The following RIMS1 variants were observed in gnomAD, a reference collection of about 807,000 sequenced individuals.
The protein encoded by RIMS1 is regulating synaptic membrane exocytosis protein 1.
In RIMS1, 83 loss-of-function variants were observed where a neutral mutation model predicts 214.1. The ratio of observed to expected loss-of-function variants is 0.39; its 90% CI spans 0.32 to 0.47. The LOEUF is 0.47. RIMS1 is among the 20% of genes least tolerant of loss of function. The pLI, the probability that RIMS1 is intolerant of heterozygous loss-of-function variation, is 0.99. For missense variants in RIMS1, 2,050 were observed against 2,161.8 expected (o/e 0.95, Z 1.03); for synonymous variants, 793 against 786.8 (o/e 1.01, Z -0.13).
At chr6:72,305,513 T>A (rs150730330) in intron 26 of RIMS1, among the ~76,000 whole-genome samples, 66 of 152,238 alleles carry the variant, frequency 4.3e-4, no homozygotes, top group African/African-American at 1.5e-3. Flanking sequence ...AGCAAATGAT[T>A]GAGCGTGTAC....
At chr6:72,232,685 G>A (rs1220009194) in intron 6 of RIMS1, among the ~76,000 whole-genome samples, 3 of 151,814 alleles carry the variant, frequency 2.0e-5, no homozygotes, top group Non-Finnish European at 1.5e-5. Context: ...TATAAATAAC[G>A]TTTAAGGAAA....
chr6:72,291,646 C>T (rs1052733324), intron 25 of RIMS1, among the ~76,000 whole-genome samples: 1 of 152,068 alleles, frequency 6.6e-6, no homozygotes, highest in African/African-American at 2.4e-5. Context: ...GAATAACTTG[C>T]CCAGGTAGAA....
intron 1 of RIMS1, among the ~76,000 whole-genome samples, chr6:71,963,584 C>T (rs1561981131): frequency 6.6e-6 from 1 of 152,054 alleles, no homozygotes; most frequent in Non-Finnish European, 1.5e-5. Flanking sequence ...TAGTATTTCA[C>T]TGGTTCAAAG....
intron 2 of RIMS1, among the ~76,000 whole-genome samples, chr6:72,070,000 A>G (rs1010650694): frequency 3.3e-5 from 5 of 152,232 alleles, no homozygotes; most frequent in African/African-American, 1.2e-4. Context: ...TAGTTTCAGC[A>G]TACATTTTAA....
At chr6:72,266,714 A>G (rs1237777183) in intron 22 of RIMS1, among the ~76,000 whole-genome samples, 2 of 152,236 alleles carry the variant, frequency 1.3e-5, no homozygotes, top group African/African-American at 2.4e-5. Context: ...GTGTTACACT[A>G]TCTCCTAGCT....
At chr6:72,241,161 C>T (rs1045107149) in intron 9 of RIMS1, among the ~76,000 whole-genome samples, 6 of 151,996 alleles carry the variant, frequency 3.9e-5, no homozygotes, top group Non-Finnish European at 5.9e-5. Context: ...AGCAATTTTC[C>T]TACTTTTATT....
At chr6:71,952,932 C>G (rs1790076148) in intron 1 of RIMS1, among the ~76,000 whole-genome samples, 1 of 151,028 alleles carries the variant, frequency 6.6e-6, no homozygotes, top group Non-Finnish European at 1.5e-5. Context: ...GTTTGTCTCA[C>G]AGTAATGGCA....
At chr6:72,253,278 G>A (rs1263485354) in intron 16 of RIMS1, among the ~76,000 whole-genome samples, 2 of 152,146 alleles carry the variant, frequency 1.3e-5, no homozygotes, top group Non-Finnish European at 2.9e-5. Flanking sequence ...CATGTGGCAT[G>A]GCTGTAACTT....
At chr6:72,369,383 G>C (rs1014450034) in intron 29 of RIMS1, among the ~76,000 whole-genome samples, 1 of 152,062 alleles carries the variant, frequency 6.6e-6, no homozygotes, top group African/African-American at 2.4e-5. Context: ...ATCTCAGTCA[G>C]ATTCTACCCA....
chr6:71,947,422 A>G (rs1013311074), intron 1 of RIMS1, among the ~76,000 whole-genome samples: 4 of 152,176 alleles, frequency 2.6e-5, no homozygotes, highest in African/African-American at 7.2e-5. Flanking sequence ...CCTAAAGAAC[A>G]TTATGCTAAT....
intron 25 of RIMS1, among the ~76,000 whole-genome samples, chr6:72,291,453 G>A (rs2093376364): frequency 6.6e-6 from 1 of 152,144 alleles, no homozygotes; most frequent in Non-Finnish European, 1.5e-5. Flanking sequence ...TAGAAATAAA[G>A]TACAAGTGAG....
chr6:72,188,381 AG>A (rs1318146131), intron 6 of RIMS1, among the ~76,000 whole-genome samples: 35 of 152,254 alleles, frequency 2.3e-4, no homozygotes, highest in African/African-American at 7.7e-4. Flanking sequence ...ACAACCAGAA[AG>A]TACCAATCCC....
chr6:72,189,147 G>A (rs2049623963), intron 6 of RIMS1, among the ~76,000 whole-genome samples: 1 of 152,172 alleles, frequency 6.6e-6, no homozygotes, highest in Admixed American at 6.5e-5. Flanking sequence ...CTGGACCTGT[G>A]AATCCTGGCT....
chr6:72,112,440 T>C (rs2036287238), intron 4 of RIMS1, among the ~76,000 whole-genome samples: 1 of 152,048 alleles, frequency 6.6e-6, no homozygotes, highest in Non-Finnish European at 1.5e-5. Context: ...TCATCCAAAG[T>C]GAAAGCAAAG....
chr6:71,922,592 A>G (rs1780342180), intron 1 of RIMS1, among the ~76,000 whole-genome samples: 1 of 152,198 alleles, frequency 6.6e-6, no homozygotes, highest in Non-Finnish European at 1.5e-5. Flanking sequence ...TCTACTTTCT[A>G]GCATATGTCA....
At chr6:71,965,447 C>A (rs1794169256) in intron 1 of RIMS1, among the ~76,000 whole-genome samples, 2 of 152,216 alleles carry the variant, frequency 1.3e-5, no homozygotes, top group Admixed American at 6.5e-5. Context: ...ACATTTAGTT[C>A]CTGTTTGGAG....
chr6:72,296,431 G>A (rs954740550), intron 26 of RIMS1, among the ~76,000 whole-genome samples: 3 of 151,836 alleles, frequency 2.0e-5, no homozygotes, highest in African/African-American at 7.2e-5. Context: ...CATCTGAGAA[G>A]CTGCTGCCTA....
intron 28 of RIMS1, among the ~76,000 whole-genome samples, chr6:72,324,018 G>A (rs1399046823): frequency 1.4e-5 from 2 of 142,022 alleles, no homozygotes; most frequent in Non-Finnish European, 3.1e-5. Flanking sequence ...ATAAATGAGT[G>A]CATGCATGCA....
chr6:72,038,127 A>G (rs1271013108), intron 2 of RIMS1, among the ~76,000 whole-genome samples: 1 of 93,032 alleles, frequency 1.1e-5, no homozygotes, highest in African/African-American at 4.6e-5. Context: ...AAATATATAT[A>G]TATATATATA....
Sources: allele counts gnomAD v4.1 joint callset (sites outside exome capture counted in the v4.1 genomes callset), GRCh38; gene constraint gnomAD v4.1.1; transcripts MANE v1.5; gene names NCBI Gene and HGNC (gene_info 2026-07-23, HGNC 2026-07-21).